SGCZ: variants seen among roughly 807,000 people sequenced by gnomAD.
SGCZ encodes zeta-sarcoglycan.
A neutral mutation model predicts 41.3 loss-of-function variants in SGCZ; 40 were observed. That is an observed-to-expected ratio of 0.97 (90% CI 0.75 to 1.26). The LOEUF (loss-of-function observed/expected upper bound fraction) is 1.26, where lower values mean the gene tolerates loss of function less well. Ranked by LOEUF, SGCZ falls within the 50% of genes most tolerant of loss-of-function variation. SGCZ has a pLI of 0.00. For synonymous variants in SGCZ, 206 were observed against 137.5 expected (o/e 1.50, Z -3.49); for missense variants, 552 against 369.8 (o/e 1.49, Z -4.04).
At chr8:14,434,332 A>G (rs1204397884) in intron 2 of SGCZ, among the ~76,000 whole-genome samples, 1 of 152,142 alleles carries the variant, frequency 6.6e-6, no homozygotes, top group Non-Finnish European at 1.5e-5. Context: ...CTATGTGCCT[A>G]TGTTTATACT....
chr8:15,015,504 G>C (rs546368912), intron 1 of SGCZ, among the ~76,000 whole-genome samples: 1 of 151,902 alleles, frequency 6.6e-6, no homozygotes, highest in East Asian at 1.9e-4. Context: ...TGCAGACCAC[G>C]GTGAAACCCT....
rs1040953331 is a variant in SGCZ, at chr8:14,090,279, G to C, written c.*164C>G. 1 of 648,510 alleles carries C rather than the reference G, an allele frequency of 1.5e-6. No homozygotes were observed. The highest frequency in any genetic ancestry group is 2.5e-6 in the Non-Finnish European group (1 of 393,564). 40.2% of individuals were successfully genotyped at this position (648,510 alleles called of 1,614,324 possible). On this transcript the variant is annotated 3_prime_UTR_variant, in exon 8 of 8. Transcript: ENST00000382080. ...CACACCCTCTGTGTTGAGCAGTACA[G>C]TAAATCACAAGAGAAGGTGGTGGCG...
intron 5 of SGCZ, among the ~76,000 whole-genome samples, chr8:14,139,288 A>G (rs1281331991): frequency 6.6e-6 from 1 of 152,186 alleles, no homozygotes; most frequent in Non-Finnish European, 1.5e-5. Context: ...AAAGAACTAG[A>G]GAAGCAAGAG....
intron 2 of SGCZ, among the ~76,000 whole-genome samples, chr8:14,485,987 G>C (rs113326200): frequency 6.6e-6 from 1 of 151,840 alleles, no homozygotes; most frequent in South Asian, 2.1e-4. Flanking sequence ...GACTACAGGC[G>C]TCCGCCACCG....
At chr8:14,945,781 C>A (rs1192037583) in intron 1 of SGCZ, among the ~76,000 whole-genome samples, 1 of 151,234 alleles carries the variant, frequency 6.6e-6, no homozygotes, top group Admixed American at 6.6e-5. Flanking sequence ...AACATCAGAA[C>A]CTTATTGTCT....
intron 2 of SGCZ, among the ~76,000 whole-genome samples, chr8:14,380,179 T>A (rs891988630): frequency 3.3e-5 from 5 of 152,226 alleles, no homozygotes; most frequent in Admixed American, 6.5e-5. Flanking sequence ...CTTTATATAG[T>A]ACTTTAACAT....
At chr8:14,868,532 A>G (rs1804017468) in intron 1 of SGCZ, among the ~76,000 whole-genome samples, 2 of 152,126 alleles carry the variant, frequency 1.3e-5, no homozygotes, top group African/African-American at 4.8e-5. Flanking sequence ...GAAACAATGA[A>G]AAGAATGACT....
chr8:15,024,080 C>T (rs1345180522), intron 1 of SGCZ, among the ~76,000 whole-genome samples: 1 of 152,102 alleles, frequency 6.6e-6, no homozygotes, highest in African/African-American at 2.4e-5. Context: ...CATTATAAGA[C>T]CAAAGCAATT....
At chr8:14,928,160 G>A (rs1799814675) in intron 1 of SGCZ, among the ~76,000 whole-genome samples, 1 of 152,148 alleles carries the variant, frequency 6.6e-6, no homozygotes, top group African/African-American at 2.4e-5. Context: ...TTTATCTCTT[G>A]CTCAGATTAT....
chr8:14,619,454 AG>A (rs61142317), intron 1 of SGCZ, among the ~76,000 whole-genome samples: 51,430 of 151,816 alleles, frequency 0.34, 8,941 homozygotes, highest in East Asian at 0.6. Flanking sequence ...ATCAGGCAGG[AG>A]GAAAAAAATA....
chr8:14,942,956 A>G (rs950592412), intron 1 of SGCZ, among the ~76,000 whole-genome samples: 3 of 152,280 alleles, frequency 2.0e-5, no homozygotes, highest in Non-Finnish European at 2.9e-5. Context: ...CATATGCACC[A>G]TTATTTTTAG....
chr8:15,062,400 T>C (rs937121416), intron 1 of SGCZ, among the ~76,000 whole-genome samples: 1 of 152,082 alleles, frequency 6.6e-6, no homozygotes, highest in Non-Finnish European at 1.5e-5. Flanking sequence ...CTAACTAAAG[T>C]AGGTTTTCGT....
At chr8:15,215,013 C>G (rs1322118103) in intron 1 of SGCZ, among the ~76,000 whole-genome samples, 3 of 152,134 alleles carry the variant, frequency 2.0e-5, no homozygotes, top group Non-Finnish European at 4.4e-5. Flanking sequence ...CTGCATGCTT[C>G]TTTAATTAAA....
chr8:14,900,010 G>A (rs900982738), intron 1 of SGCZ, among the ~76,000 whole-genome samples: 1 of 152,068 alleles, frequency 6.6e-6, no homozygotes, highest in Non-Finnish European at 1.5e-5. Context: ...TTCTCTGAGA[G>A]GAGACCTTTC....
chr8:15,004,873 T>TTCTTTAATCCA (rs59114901), intron 1 of SGCZ, among the ~76,000 whole-genome samples: 4 of 151,504 alleles, frequency 2.6e-5, no homozygotes, highest in Non-Finnish European at 5.9e-5. Context: ...AACTGACGGG[T>TTCTTTAATCCA]TCTTTGTGTG....
intron 5 of SGCZ, among the ~76,000 whole-genome samples, chr8:14,139,910 G>A (rs1016792977): frequency 4.6e-5 from 7 of 152,134 alleles, no homozygotes; most frequent in African/African-American, 1.7e-4. Flanking sequence ...CAATATCCCT[G>A]ATAAACATCG....
At chr8:14,203,980 A>G (rs1186972239) in intron 4 of SGCZ, among the ~76,000 whole-genome samples, 1 of 152,014 alleles carries the variant, frequency 6.6e-6, no homozygotes, top group Non-Finnish European at 1.5e-5. Context: ...GAGTTGGGGG[A>G]AAGAGCGCTC....
intron 3 of SGCZ, among the ~76,000 whole-genome samples, chr8:14,321,243 G>C: frequency 6.6e-6 from 1 of 152,032 alleles, no homozygotes; most frequent in East Asian, 1.9e-4. Context: ...TGAATTCTAA[G>C]ATATTTCCTG....
At chr8:15,000,627 A>G (rs1282355981) in intron 1 of SGCZ, among the ~76,000 whole-genome samples, 1 of 152,106 alleles carries the variant, frequency 6.6e-6, no homozygotes, top group East Asian at 1.9e-4. Context: ...GTGTACAGCA[A>G]AGAACAGAGG....
Sources: gnomAD v4.1 joint callset for allele counts (sites outside exome capture counted in the v4.1 genomes callset) on GRCh38, gnomAD v4.1.1 for gene constraint, MANE v1.5 for transcripts, NCBI Gene and HGNC (gene_info 2026-07-23, HGNC 2026-07-21) for gene names.